The following ROCK2 variants were observed in gnomAD, a reference collection of about 807,000 sequenced individuals.
The protein encoded by ROCK2 is Rho associated coiled-coil containing protein kinase 2.
Under a neutral mutation model 195.1 loss-of-function variants are expected in ROCK2, and 61 were observed. The observed-to-expected ratio is 0.31, with a 90% CI of 0.25 to 0.39. The LOEUF is 0.39. Ranked by LOEUF, ROCK2 falls within the 10% of genes least tolerant of loss-of-function variation. ROCK2 has a pLI of 1.00. For synonymous variants in ROCK2, 504 were observed against 545.5 expected, an observed-to-expected ratio of 0.92 and a Z score of 1.06; for missense variants, 1,109 against 1,637.4, an observed-to-expected ratio of 0.68 and a Z score of 5.57.
chr2:11,214,118 T>C (rs943506105), intron 17 of ROCK2, among the ~76,000 whole-genome samples: 1 of 152,176 alleles, frequency 6.6e-6, no homozygotes, highest in African/African-American at 2.4e-5. Flanking sequence ...ATCCTCATTA[T>C]CTACACTCCA....
In ROCK2 at chr2:11,229,692, G is replaced by A. The variant is rs138383999; in HGVS notation, c.724-2294C>T. ...ATAACCACATTAGAGAAGGTAGAAA[G>A]AAACAAAATAAACTAAGTAACTATG... On this transcript the variant is annotated intron_variant, in intron 5 of 32. Coordinates refer to ENST00000315872, the MANE Select transcript of ROCK2 (RefSeq NM_004850.5). Among the ~76,000 whole-genome samples the A allele has an allele frequency of 2.4e-3, 363 of 148,674 alleles. 4 individuals carry two copies. In the East Asian group the frequency reaches 0.045, roughly 18 times the overall value.
chr2:11,296,007 A>AGAGAGAGAGAGAGGAGAGG (rs1667518126), intron 1 of ROCK2, among the ~76,000 whole-genome samples: 1 of 25,324 alleles, frequency 3.9e-5, no homozygotes, highest in Non-Finnish European at 9.0e-5. Context: ...GAGAGAGAGG[A>AGAGAGAGAGAGAGGAGAGG]GAGAGAGAGA....
intron 18 of ROCK2, among the ~76,000 whole-genome samples, chr2:11,211,021 A>T (rs72785491): frequency 6.6e-6 from 1 of 152,230 alleles, no homozygotes; most frequent in African/African-American, 2.4e-5. Flanking sequence ...AGAATAGCTT[A>T]AAGTACTGAT....
chr2:11,240,953 G>C (rs1665405955), intron 4 of ROCK2, among the ~76,000 whole-genome samples: 2 of 152,096 alleles, frequency 1.3e-5, no homozygotes, highest in South Asian at 4.1e-4. Flanking sequence ...TTTTCCATCA[G>C]AGTAAAGACA....
At chr2:11,271,742 T>A (rs1201082993) in intron 3 of ROCK2, among the ~76,000 whole-genome samples, 1 of 152,136 alleles carries the variant, frequency 6.6e-6, no homozygotes, top group Non-Finnish European at 1.5e-5. Context: ...ACTGAAAGGT[T>A]CGGGGCTGGG....
intron 1 of ROCK2, among the ~76,000 whole-genome samples, chr2:11,305,540 C>T (rs1572386993): frequency 6.6e-6 from 1 of 152,010 alleles, no homozygotes; most frequent in East Asian, 1.9e-4. Flanking sequence ...ACAATAGATA[C>T]TCCCATAGCA....
chr2:11,338,491 G>T (rs993832405), intron 1 of ROCK2, among the ~76,000 whole-genome samples: 2 of 152,200 alleles, frequency 1.3e-5, no homozygotes, highest in Admixed American at 1.3e-4. Flanking sequence ...ATTAGGCATT[G>T]TAAGTAATCT....
intron 1 of ROCK2, among the ~76,000 whole-genome samples, chr2:11,306,946 G>C (rs979069005): frequency 6.6e-6 from 1 of 152,156 alleles, no homozygotes; most frequent in South Asian, 2.1e-4. Flanking sequence ...CAGAAAGCAG[G>C]TTTTCTTGGG....
intron 1 of ROCK2, among the ~76,000 whole-genome samples, chr2:11,299,351 C>G (rs1667637026): frequency 6.6e-6 from 1 of 151,604 alleles, no homozygotes; most frequent in Non-Finnish European, 1.5e-5. Flanking sequence ...ATTTTCCAGT[C>G]AAATATTAAT....
intron 4 of ROCK2, among the ~76,000 whole-genome samples, chr2:11,248,850 T>C (rs1665725321): frequency 6.6e-6 from 1 of 151,804 alleles, no homozygotes; most frequent in African/African-American, 2.4e-5. Flanking sequence ...TGTAGGAAGT[T>C]TTTTGTTGTT....
intron 6 of ROCK2, among the ~76,000 whole-genome samples, chr2:11,225,449 T>C (rs1444925499): frequency 6.6e-6 from 1 of 151,952 alleles, no homozygotes; most frequent in East Asian, 1.9e-4. Flanking sequence ...TTAATTTATT[T>C]TTTAACTTTT....
At chr2:11,226,239 T>C (rs1346081930) in intron 6 of ROCK2, among the ~76,000 whole-genome samples, 2 of 152,226 alleles carry the variant, frequency 1.3e-5, no homozygotes, top group African/African-American at 4.8e-5. Context: ...AGTATTTTTA[T>C]GACCCCAGTA....
Position 11,192,125 on chromosome 2 carries a change from C to A in ROCK2, c.4163+23G>T. The stretch of plus-strand genomic sequence containing the variant: ...TATTTTAATAGACTTTTTTTTTTTC[C>A]TTACCACATTTTAGTTTATTACCTA... On this transcript the variant is annotated intron_variant, in intron 32 of 32. Transcript: ENST00000315872. The surrounding 1 kb of genome is among the most constrained non-coding windows in gnomAD (Gnocchi z 5.0). The A allele has an allele frequency of 6.9e-7, 1 of 1,450,524 alleles. No homozygotes were observed. Among genetic ancestry groups the A allele is most frequent in the Non-Finnish European group, 9.3e-7 (1 of 1,074,380 alleles). 89.9% of individuals were successfully genotyped at this position (1,450,524 alleles called of 1,614,324 possible).
rs750259954 is a variant in ROCK2 at position 11,218,963 on chromosome 2, T to C, written c.1320+3A>G. On this transcript the variant is annotated splice_donor_region_variant and intron_variant, in intron 10 of 32. Transcript: ENST00000315872. Reference sequence around the variant, plus strand: ...AACTACAGCAGTAAAAATGTATACGTACTTCATTTTTCCTTGATTGTATGG... The same window carrying C: ...AACTACAGCAGTAAAAATGTATACGCACTTCATTTTTCCTTGATTGTATGG... The C allele has an allele frequency of 2.1e-6, 3 of 1,430,602 alleles. No homozygotes were observed. The highest frequency in any genetic ancestry group is 1.3e-5 in the South Asian group (1 of 79,958). 88.6% of individuals were successfully genotyped at this position (1,430,602 alleles called of 1,614,324 possible). A position where few individuals can be genotyped will look rare whatever the true frequency, so the allele number is the denominator to read the frequency against.
intron 1 of ROCK2, chr2:11,308,401 G>A (rs1405483518): frequency 1.9e-6 from 3 of 1,590,874 alleles, no homozygotes; most frequent in African/African-American, 1.3e-5. Flanking sequence ...GTGAAGAAGA[G>A]AATTTGGAAT....
At chr2:11,238,209 AGTGTGTGTGTGTGTGT>A (rs6146630) in intron 4 of ROCK2, among the ~76,000 whole-genome samples, 2 of 135,266 alleles carry the variant, frequency 1.5e-5, no homozygotes. Context: ...ATTGAGAAAG[AGTGTGTGTGTGTGTGT>A]GTGTGTGTGT....
intron 1 of ROCK2, among the ~76,000 whole-genome samples, chr2:11,338,376 A>G (rs1318746253): frequency 6.6e-6 from 1 of 152,184 alleles, no homozygotes; most frequent in African/African-American, 2.4e-5. Context: ...GCCAAAATAT[A>G]TAATACACTC....
intron 14 of ROCK2, 44 bp from the exon 15 acceptor site, chr2:11,215,456 A>G: frequency 3.1e-6 from 5 of 1,605,874 alleles, no homozygotes; most frequent in Non-Finnish European, 4.3e-6. Flanking sequence ...CATAACACAC[A>G]TACACACACT....
intron 5 of ROCK2, among the ~76,000 whole-genome samples, chr2:11,231,070 T>A (rs1394235958): frequency 6.6e-6 from 1 of 152,144 alleles, no homozygotes; most frequent in African/African-American, 2.4e-5. Context: ...ATACCTTTTT[T>A]TAAAAAAATT....
Sources: gnomAD v4.1 joint callset for allele counts (sites outside exome capture counted in the v4.1 genomes callset) on GRCh38, gnomAD v4.1.1 for gene constraint, Gnocchi (gnomAD v3.1) non-coding constraint, MANE v1.5 for transcripts, NCBI Gene and HGNC (gene_info 2026-07-23, HGNC 2026-07-21) for gene names.